The following USP36 variants were observed in gnomAD, a reference collection of about 807,000 sequenced individuals.
USP36 encodes the protein ubiquitin specific peptidase 36.
In USP36, 59 loss-of-function variants were observed where a neutral mutation model predicts 111.5. The ratio of observed to expected loss-of-function variants is 0.53; its 90% CI spans 0.43 to 0.66. The LOEUF (loss-of-function observed/expected upper bound fraction) is 0.66, where lower values mean the gene tolerates loss of function less well. USP36 is among the 30% of genes least tolerant of loss of function. The pLI is 0.00. For synonymous variants in USP36, 628 were observed against 581.0 expected (o/e 1.08, Z -1.16); for missense variants, 1,488 against 1,468.0 (o/e 1.01, Z -0.22).
intron 2 of USP36, among the ~76,000 whole-genome samples, chr17:78,836,830 C>G (rs909032608): frequency 2.0e-5 from 3 of 148,424 alleles, no homozygotes; most frequent in African/African-American, 7.7e-5. Flanking sequence ...AACGGACACA[C>G]ACACACACAC....
At chr17:78,808,647 G>A (rs934150612) in intron 13 of USP36, among the ~76,000 whole-genome samples, 2 of 152,110 alleles carry the variant, frequency 1.3e-5, no homozygotes, top group Non-Finnish European at 2.9e-5. Context: ...GTCTCCAACT[G>A]TTGAAATTAA....
intron 4 of USP36, among the ~76,000 whole-genome samples, chr17:78,834,997 G>GTGTGTGTATATATATATATATATATATA (rs968867639): frequency 1.4e-5 from 2 of 141,392 alleles, no homozygotes; most frequent in African/African-American, 5.6e-5. Flanking sequence ...AATAATATTT[G>GTGTGTGTATATATATATATATATATATA]TATATATATA....
At chr17:78,792,262 T>A (rs1314386705), downstream of USP36, among the ~76,000 whole-genome samples, 1 of 151,992 alleles carries the variant, frequency 6.6e-6, no homozygotes, top group Non-Finnish European at 1.5e-5. Context: ...CCTGAACATG[T>A]TCCTAAGGGA....
chr17:78,834,351 T>C (rs1198326119), intron 4 of USP36, among the ~76,000 whole-genome samples: 1 of 152,094 alleles, frequency 6.6e-6, no homozygotes, highest in East Asian at 1.9e-4. Flanking sequence ...ACTCTTCACT[T>C]TCTATTTCTT....
At chr17:78,791,129 CTTTTTTTTT>C (rs10522788), downstream of USP36, among the ~76,000 whole-genome samples, 1 of 121,232 alleles carries the variant, frequency 8.2e-6, no homozygotes, top group African/African-American at 3.3e-5. Context: ...ATCTGGCCTT[CTTTTTTTTT>C]TTTTTTTTTT....
rs766623192 is a variant in USP36 at position 78,811,157 on chromosome 17, A to G, written c.1407+1703T>C. The stretch of plus-strand genomic sequence containing the variant: ...AAAAAAAAAAAAAAAAAAAAAAAAG[A>G]AACAGTCATCAAGAGGGTCCACCCC... On this transcript the variant is annotated intron_variant, in intron 13 of 20. Transcript: ENST00000449938. 6.2e-3 allele frequency among the ~76,000 whole-genome samples: 698 copies of G among 112,788 alleles called. 4 individuals carry two copies. Among genetic ancestry groups the G allele is most frequent in the Non-Finnish European group, 0.012 (579 of 49,378 alleles). 74.0% of individuals were successfully genotyped at this position (112,788 alleles called of 152,430 possible).
chr17:78,794,733 C>T (rs1426300200), downstream of USP36, among the ~76,000 whole-genome samples: 1 of 152,080 alleles, frequency 6.6e-6, no homozygotes, highest in African/African-American at 2.4e-5. Flanking sequence ...ATCAGCCAGG[C>T]GCAGTGGCTC....
At chr17:78,840,874 G>A (rs1055382578), upstream of USP36, 6 of 152,320 alleles carry the variant, frequency 3.9e-5, no homozygotes, top group Non-Finnish European at 8.8e-5. Context: ...CGCACCCAGC[G>A]TTCGCGCTGC....
rs995793507 is a variant in USP36 at position 78,798,696 on chromosome 17, C to A, written c.3241-145G>T. The A allele has an allele frequency of 2.3e-6, 3 of 1,326,446 alleles. No individual in the cohort carries two copies. Among genetic ancestry groups the A allele is most frequent in the Non-Finnish European group, 3.1e-6 (3 of 958,560 alleles). 82.2% of individuals were successfully genotyped at this position (1,326,446 alleles called of 1,614,324 possible). On this transcript the variant is annotated intron_variant, in intron 19 of 20. Transcript: ENST00000449938. The surrounding 1 kb of genome is among the most constrained non-coding windows in gnomAD (Gnocchi z 5.1). ...CACTCTTCACAATGACCCCTGTGCA[C>A]GGCGACCTGCAGTCCCCCTATTGAC...
chr17:78,807,569 T>C lies in USP36; in HGVS notation c.1475A>G (p.Asn492Ser), dbSNP rs1169231136. Residue 492 changes from asparagine to serine, a missense_variant, in exon 14 of 21, where the codon AAT becomes AGT. Transcript: ENST00000449938. ...TEEIGVPISR[N>S]GSTLGLKSQN... ...GGACTTCAGGCCCAGGGTGGAGCCA[T>C]TCCTGGATATGGGCACACCAATCTC... 6.2e-7 allele frequency: 1 copy of C among 1,605,548 alleles called. No homozygotes were observed. The highest frequency in any genetic ancestry group is 1.3e-5 in the African/African-American group (1 of 74,598).
rs2093676722 is a variant in USP36 at position 78,798,916 on chromosome 17, G to C, written c.3232C>G (p.Arg1078Gly). 6.2e-7 allele frequency: 1 copy of C among 1,613,876 alleles called. No individual in the cohort carries two copies. The highest frequency in any genetic ancestry group is 8.5e-7 in the Non-Finnish European group (1 of 1,180,034). Residue 1078 changes from arginine (R) to glycine (G), a missense_variant, in exon 19 of 21, where the codon CGA (arginine) becomes GGA (glycine). Around this residue, in one of 3 missense-constraint regions of USP36, gnomAD observed 1,073 missense variants for 994.1 expected, o/e 1.08. Coordinates refer to ENST00000449938, the MANE Select transcript of USP36 (RefSeq NM_001385174.1). This position sits in a 1 kb window ranked among gnomAD's most constrained non-coding sequence, Gnocchi z 5.1. ...AGCATCACACATCATACCTTCCCTC[G>C]GTCAAACTCTTCGTCCCAGTCATCA... ...VVDDWDEEFD[R>G]GKEKKIKKFK...
At chr17:78,788,234 G>A (rs960276076) in intron 3 of USP36, among the ~76,000 whole-genome samples, 8 of 151,776 alleles carry the variant, frequency 5.3e-5, no homozygotes, top group East Asian at 3.9e-4. Flanking sequence ...GTGCAATCTC[G>A]GCTCACTGCA....
At chr17:78,806,391 C>T in intron 14 of USP36, 105 bp from the exon 15 acceptor site, 4 of 1,496,334 alleles carry the variant, frequency 2.7e-6, no homozygotes, top group South Asian at 2.5e-5. Flanking sequence ...ACAAAAGAGC[C>T]CAGAAAAAAA....
chr17:78,825,222 G>A lies in USP36; in HGVS notation c.689+2023C>T, dbSNP rs150939686. ...AAGCATGCAGGAAACATTCACAAAC[G>A]CTGGTCACCTATAATCACGGAGAAA... is the stretch of plus-strand genomic sequence containing the variant. On this transcript the variant is annotated intron_variant, in intron 6 of 20. Coordinates refer to ENST00000449938, the MANE Select transcript of USP36 (RefSeq NM_001385174.1). 1.8e-4 allele frequency among the ~76,000 whole-genome samples: 27 copies of A among 152,260 alleles called. 1 individual carries two copies. The highest frequency in any genetic ancestry group is 1.5e-3 in the South Asian group (7 of 4,824).
intron 5 of USP36, among the ~76,000 whole-genome samples, chr17:78,828,187 C>T (rs1473765554): frequency 2.0e-5 from 3 of 152,140 alleles, no homozygotes; most frequent in Non-Finnish European, 4.4e-5. Flanking sequence ...GTCCTCCAGC[C>T]TAGGTATAAG....
chr17:78,828,757 C>G, intron 5 of USP36, 140 bp downstream of exon 5: 1 of 786,520 alleles, frequency 1.3e-6, no homozygotes, highest in Non-Finnish European at 2.0e-6. Flanking sequence ...GTAATCCCAA[C>G]ACTTTGGCAG....
At chr17:78,807,710 C>T in intron 13 of USP36, 74 bp from the exon 14 acceptor site, 2 of 1,416,456 alleles carry the variant, frequency 1.4e-6, no homozygotes, top group Non-Finnish European at 1.9e-6. Flanking sequence ...CTTAAGGCCA[C>T]AGTGAATCTT....
intron 15 of USP36, among the ~76,000 whole-genome samples, chr17:78,805,507 C>T (rs1284837758): frequency 6.6e-6 from 1 of 152,148 alleles, no homozygotes; most frequent in East Asian, 1.9e-4. Context: ...CGCAGGCCGC[C>T]TCATGACTCA....
At chr17:78,788,174 T>C (rs2093551633) in intron 3 of USP36, among the ~76,000 whole-genome samples, 2 of 150,792 alleles carry the variant, frequency 1.3e-5, no homozygotes. Flanking sequence ...ATTTATTTAT[T>C]TTTTTTTTTG....
Sources: allele counts gnomAD v4.1 joint callset (sites outside exome capture counted in the v4.1 genomes callset), GRCh38; gene constraint gnomAD v4.1.1; regional missense constraint gnomAD v4.1.1; non-coding constraint Gnocchi (gnomAD v3.1); transcripts MANE v1.5; gene names NCBI Gene and HGNC (gene_info 2026-07-23, HGNC 2026-07-21).